The following WDR1 variants were observed in gnomAD, a reference collection of about 807,000 sequenced individuals.
WDR1 encodes the protein WD repeat-containing protein 1.
A neutral mutation model predicts 71.9 loss-of-function variants in WDR1; 21 were observed. That is an observed-to-expected ratio of 0.29 (90% CI 0.21 to 0.42). WDR1 has a LOEUF of 0.42. WDR1 is among the 10% of genes least tolerant of loss of function. The probability of loss-of-function intolerance (pLI) is 1.00; values close to 1 mark genes in which losing one functional copy is unlikely to be tolerated. For missense variants in WDR1, 696 were observed against 824.5 expected, an observed-to-expected ratio of 0.84 and a Z score of 1.91; for synonymous variants, 424 against 347.4, an observed-to-expected ratio of 1.22 and a Z score of -2.45.
intron 2 of WDR1, 141 bp downstream of exon 2, chr4:10,115,972 T>TGTGGCTCCCGGTAGAGGGGGC (rs1713693477): frequency 3.4e-6 from 4 of 1,173,074 alleles, no homozygotes; most frequent in Non-Finnish European, 4.7e-6. Context: ...GGCTCCGAGG[T>TGTGGCTCCCGGTAGAGGGGGC]GTGGCTCCCG....
intron 2 of WDR1, among the ~76,000 whole-genome samples, chr4:10,112,877 G>A (rs1001111897): frequency 6.6e-6 from 1 of 152,244 alleles, no homozygotes; most frequent in Non-Finnish European, 1.5e-5. Flanking sequence ...AAGCCCTGCT[G>A]GCCTGGAGCT....
rs750812965 is a variant in WDR1 at position 10,116,102 on chromosome 4, G to C, written c.138+11C>G. 1 of 1,611,748 alleles carries C rather than the reference G, an allele frequency of 6.2e-7. No homozygotes were observed. The highest frequency in any genetic ancestry group is 8.5e-7 in the Non-Finnish European group (1 of 1,178,850). On this transcript the variant is annotated intron_variant, in intron 2 of 14. Coordinates refer to ENST00000499869, the MANE Select transcript of WDR1 (RefSeq NM_017491.5). ...CGGAGCAGAACCGCGCCCGGGGTAG[G>C]GGGTACTCACGTCGATGTTCCTTAG...
chr4:10,113,704 A>G lies in WDR1; in HGVS notation c.138+2409T>C, dbSNP rs1299017362. 9.9e-5 allele frequency among the ~76,000 whole-genome samples: 15 copies of G among 152,266 alleles called. No individual in the cohort carries two copies. In the East Asian group the frequency reaches 2.7e-3, roughly 27 times the overall value. ...AGATAGCTTAGTCGTGGGTGGAGGC[A>G]GAGGAAGCCAGGGAAATCTGTTAGA... is the stretch of plus-strand genomic sequence containing the variant. On this transcript the variant is annotated intron_variant, in intron 2 of 14. Coordinates refer to ENST00000499869, the MANE Select transcript of WDR1 (RefSeq NM_017491.5).
intron 2 of WDR1, among the ~76,000 whole-genome samples, chr4:10,113,324 G>A (rs575424019): frequency 3.4e-4 from 52 of 152,294 alleles, no homozygotes; most frequent in Admixed American, 8.5e-4. Flanking sequence ...TCACGCCACC[G>A]CACTCCAGCT....
intron 5 of WDR1, among the ~76,000 whole-genome samples, chr4:10,090,096 T>C (rs1279083110): frequency 6.6e-6 from 1 of 152,156 alleles, no homozygotes; most frequent in Non-Finnish European, 1.5e-5. Context: ...GGGCTGTCAG[T>C]ATCTGGGAAA....
chr4:10,077,625 C>G, intron 13 of WDR1, 128 bp downstream of exon 13: 1 of 1,457,996 alleles, frequency 6.9e-7, no homozygotes, highest in Non-Finnish European at 9.1e-7. Context: ...GAGGCACCTG[C>G]TACTTGTAGA....
chr4:10,087,530 T>C (rs1711663111), intron 8 of WDR1, among the ~76,000 whole-genome samples, 177 bp downstream of exon 8: 1 of 152,230 alleles, frequency 6.6e-6, no homozygotes. Flanking sequence ...GCTAAACTCA[T>C]GTCCCAAGAA....
chr4:10,103,155 A>G (rs1272875584), intron 3 of WDR1, among the ~76,000 whole-genome samples: 1 of 152,180 alleles, frequency 6.6e-6, no homozygotes, highest in Non-Finnish European at 1.5e-5. Flanking sequence ...CAGAGAGCAA[A>G]GGCCCAGTGT....
chr4:10,100,766 G>A (rs942262996), intron 3 of WDR1, among the ~76,000 whole-genome samples: 3 of 152,154 alleles, frequency 2.0e-5, no homozygotes, highest in Admixed American at 6.5e-5. Flanking sequence ...AAAACAGGCC[G>A]GGGGGGAAGA....
chr4:10,103,824 C>G (rs1020738344), intron 3 of WDR1, 72 bp downstream of exon 3: 1 of 1,345,422 alleles, frequency 7.4e-7, no homozygotes, highest in African/African-American at 1.5e-5. Context: ...GCCAGAAGCC[C>G]AGCTTCGCCC....
chr4:10,096,114 C>G (rs1560538676), intron 5 of WDR1: 1 of 152,322 alleles, frequency 6.6e-6, no homozygotes, highest in African/African-American at 2.4e-5. Context: ...AAGACAGGCT[C>G]CAGCCCACCC....
At chr4:10,091,678 C>T (rs1193679550) in intron 5 of WDR1, 2 of 152,344 alleles carry the variant, frequency 1.3e-5, no homozygotes, top group African/African-American at 4.8e-5. Flanking sequence ...ATTTGCATCC[C>T]CCCTTCTGCT....
chr4:10,102,584 T>G (rs1381357438), intron 3 of WDR1, among the ~76,000 whole-genome samples: 1 of 152,188 alleles, frequency 6.6e-6, no homozygotes. Context: ...GCTGTCCAAC[T>G]GCCCAGCCCC....
rs1764754740 is a variant in WDR1 at position 10,075,240 on chromosome 4, G to A, written c.*138C>T. 1 of 699,200 alleles carries A rather than the reference G, an allele frequency of 1.4e-6. No homozygotes were observed. The allele number at this position is 699,200 out of a possible 1,614,324, so 43.3% of individuals were successfully genotyped here. On this transcript the variant is annotated 3_prime_UTR_variant, in exon 15 of 15. Coordinates refer to ENST00000499869, the MANE Select transcript of WDR1 (RefSeq NM_017491.5). ...GTACAGACACCCTGCAGAGACGAGGGTCATGACTGGGCCCTCCTGCCTCTT... is the reference window on the plus strand; with the variant it reads ...GTACAGACACCCTGCAGAGACGAGGATCATGACTGGGCCCTCCTGCCTCTT...
chr4:10,098,227 AT>A (rs1049021590), intron 4 of WDR1, among the ~76,000 whole-genome samples: 4 of 152,212 alleles, frequency 2.6e-5, no homozygotes, highest in Non-Finnish European at 5.9e-5. Flanking sequence ...AACAGTTACC[AT>A]CCCCTACAGG....
At chr4:10,098,032 A>C in intron 4 of WDR1, 141 bp from the exon 5 acceptor site, 1 of 854,210 alleles carries the variant, frequency 1.2e-6, no homozygotes, top group Non-Finnish European at 1.7e-6. Flanking sequence ...CGCCACAGGG[A>C]CAAATGAGGG....
intron 8 of WDR1, among the ~76,000 whole-genome samples, chr4:10,087,194 TA>T (rs1307710149): frequency 6.6e-6 from 1 of 152,202 alleles, no homozygotes. Context: ...GGAACTCCAG[TA>T]TCTCCTTCAC....
chr4:10,084,628 G>A (rs1259686120), intron 8 of WDR1, 98 bp from the exon 9 acceptor site: 5 of 1,133,854 alleles, frequency 4.4e-6, no homozygotes, highest in Non-Finnish European at 5.2e-6. Context: ...AATGGAGGGG[G>A]CAGACGCCCC....
intron 2 of WDR1, among the ~76,000 whole-genome samples, chr4:10,105,670 G>A (rs1375092368): frequency 6.6e-6 from 1 of 152,146 alleles, no homozygotes; most frequent in Admixed American, 6.5e-5. Context: ...TCACACTGCT[G>A]GTGGAAATGC....
Sources: allele counts gnomAD v4.1 joint callset (sites outside exome capture counted in the v4.1 genomes callset), GRCh38; gene constraint gnomAD v4.1.1; transcripts MANE v1.5; gene names NCBI Gene and HGNC (gene_info 2026-07-23, HGNC 2026-07-21).